The following SND1 variants were observed in gnomAD, a reference collection of about 807,000 sequenced individuals.
SND1 encodes staphylococcal nuclease and tudor domain containing 1, also known as staphylococcal nuclease domain-containing protein 1.
In SND1, 38 loss-of-function variants were observed where a neutral mutation model predicts 121.7. The observed-to-expected ratio is 0.31, with a 90% CI of 0.24 to 0.41. SND1 has a LOEUF of 0.41. Among genes scored for constraint, SND1 ranks in the 10% least tolerant of loss-of-function variants. The probability of loss-of-function intolerance (pLI) is 1.00; values close to 1 mark genes in which losing one functional copy is unlikely to be tolerated. For synonymous variants in SND1, 401 were observed against 447.4 expected (o/e 0.90, Z 1.31); for missense variants, 868 against 1,184.6 (o/e 0.73, Z 3.92).
chr7:127,891,558 A>C (rs1480639933), intron 13 of SND1, among the ~76,000 whole-genome samples: 1 of 151,892 alleles, frequency 6.6e-6, no homozygotes, highest in African/African-American at 2.4e-5. Context: ...GTTTTTTCCT[A>C]GATAGATTAG....
intron 4 of SND1, 151 bp from the exon 5 acceptor site, chr7:127,701,012 C>A: frequency 1.3e-6 from 1 of 750,258 alleles, no homozygotes; most frequent in Non-Finnish European, 2.1e-6. Flanking sequence ...TGGTGATTTT[C>A]TGGTTATAGG....
At chr7:127,705,733 C>T (rs1344547556) in intron 8 of SND1, among the ~76,000 whole-genome samples, 1 of 152,160 alleles carries the variant, frequency 6.6e-6, no homozygotes, top group African/African-American at 2.4e-5. Context: ...GTCTGAATCA[C>T]CACCTTGCAT....
At chr7:127,775,904 C>A (rs1412226761) in intron 10 of SND1, among the ~76,000 whole-genome samples, 1 of 152,138 alleles carries the variant, frequency 6.6e-6, no homozygotes, top group East Asian at 1.9e-4. Context: ...CCATTCAAAC[C>A]TATGTTCACA....
At chr7:127,668,691 A>G (rs2116256343) in intron 1 of SND1, among the ~76,000 whole-genome samples, 1 of 152,304 alleles carries the variant, frequency 6.6e-6, no homozygotes, top group East Asian at 1.9e-4. Flanking sequence ...ATGAAAGCCG[A>G]ACCCCTAAGA....
At chr7:127,887,057 GT>G (rs556820438) in intron 12 of SND1, among the ~76,000 whole-genome samples, 155 of 152,020 alleles carry the variant, frequency 1.0e-3, no homozygotes, top group African/African-American at 3.0e-3. Context: ...ATGCTGCAGT[GT>G]AGTGGTGTGA....
intron 15 of SND1, among the ~76,000 whole-genome samples, chr7:127,948,308 C>T (rs1305526296): frequency 6.6e-6 from 1 of 152,020 alleles, no homozygotes; most frequent in East Asian, 1.9e-4. Context: ...AGCTATTGGC[C>T]CTGGATTATA....
chr7:127,740,780 C>G lies in SND1; in HGVS notation c.1152+19380C>G, dbSNP rs116990309. On this transcript the variant is annotated intron_variant, in intron 10 of 23. Coordinates refer to ENST00000354725, the MANE Select transcript of SND1 (RefSeq NM_014390.4). ...GATTGAGAACCACTTTTTAGTGTGT[C>G]CTGGGTGTCTGTGGTAGAAGTGGAA... Among the ~76,000 whole-genome samples, 183 of 152,156 alleles carry G rather than the reference C, an allele frequency of 1.2e-3. 4 individuals carry two copies. The East Asian group carries it at 0.027, about 23-fold the overall frequency.
At position 128,017,166 on chromosome 7, in the gene SND1, C is replaced by T. The variant is rs1803243060; in HGVS notation, c.1779+26110C>T. The stretch of plus-strand genomic sequence containing the variant: ...GAGCTCCAAGAGGGATCCTGCTTTC[C>T]TCATCCTGCAGTGAGGTGTGATTCA... On this transcript the variant is annotated intron_variant, in intron 16 of 23. Transcript: ENST00000354725. 2.0e-5 allele frequency among the ~76,000 whole-genome samples: 3 copies of T among 152,206 alleles called. No homozygotes were observed. In the South Asian group the frequency reaches 6.2e-4, roughly 31 times the overall value.
chr7:127,695,622 A>G (rs1387520559), intron 3 of SND1, among the ~76,000 whole-genome samples: 1 of 152,144 alleles, frequency 6.6e-6, no homozygotes, highest in African/African-American at 2.4e-5. Flanking sequence ...TCTTAAGCAC[A>G]AGAGTTCGAG....
At chr7:127,836,533 A>T (rs778825214) in intron 11 of SND1, among the ~76,000 whole-genome samples, 2 of 152,148 alleles carry the variant, frequency 1.3e-5, no homozygotes, top group African/African-American at 4.8e-5. Flanking sequence ...AAAATGTATA[A>T]TTTTTTCTGA....
intron 12 of SND1, among the ~76,000 whole-genome samples, chr7:127,867,960 A>T (rs1799510781): frequency 6.6e-6 from 1 of 152,078 alleles, no homozygotes; most frequent in South Asian, 2.1e-4. Context: ...CCTGGAACAT[A>T]CATTTCATCT....
rs950758939 is a variant in SND1, at chr7:127,652,204, C to A, written c.-170C>A. ...CGGCGGAGATCGCGTCTCTTTCGCT[C>A]CGTGTCCCGCTGCTGCTCCTGTGAG... On this transcript the variant is annotated 5_prime_UTR_variant, in exon 1 of 24. Transcript: ENST00000354725. 1.5e-6 allele frequency: 1 copy of A among 671,148 alleles called. No individual in the cohort carries two copies. Among genetic ancestry groups the A allele is most frequent in the Non-Finnish European group, 2.7e-6 (1 of 367,332 alleles). The allele number at this position is 671,148 out of a possible 1,614,324, so 41.6% of individuals were successfully genotyped here. A position where few individuals can be genotyped will look rare whatever the true frequency, so the allele number is the denominator to read the frequency against.
rs1265998465 is a variant in SND1 at position 127,831,149 on chromosome 7, G to C, written c.1243-13175G>C. Among the ~76,000 whole-genome samples the C allele has an allele frequency of 2.6e-5, 4 of 152,318 alleles. No individual in the cohort carries two copies. The East Asian group carries it at 7.7e-4, about 29-fold the overall frequency. ...TGAATCCAGTTTGTTCTATTGGGAA[G>C]TCTGGGTTCCTTTTCTACTCTGCTG... On this transcript the variant is annotated intron_variant, in intron 11 of 23. Transcript: ENST00000354725.
chr7:127,929,051 T>A (rs1800907765), intron 14 of SND1, 137 bp from the exon 15 acceptor site: 1 of 746,406 alleles, frequency 1.3e-6, no homozygotes, highest in African/African-American at 1.8e-5. Context: ...GTATCATGTC[T>A]ATGTCTTGGT....
At chr7:127,986,831 T>G (rs1026992560) in intron 15 of SND1, among the ~76,000 whole-genome samples, 1 of 152,220 alleles carries the variant, frequency 6.6e-6, no homozygotes, top group African/African-American at 2.4e-5. Context: ...CCATGGGGGA[T>G]CTGTCTTTGT....
In SND1 at chr7:128,092,204, C is replaced by A; in HGVS notation, c.*146C>A. ...TGTGTGGAAATGTCTCGTGGGGTGG[C>A]ATCGGGGCTGCGGGGTGGGGACCCC... On this transcript the variant is annotated 3_prime_UTR_variant, in exon 24 of 24. Transcript: ENST00000354725. This position sits in a 1 kb window ranked among gnomAD's most constrained non-coding sequence, Gnocchi z 4.9. The A allele has an allele frequency of 1.2e-6, 1 of 861,644 alleles. No individual in the cohort carries two copies. The highest frequency in any genetic ancestry group is 1.8e-6 in the Non-Finnish European group (1 of 553,576). The allele number at this position is 861,644 out of a possible 1,614,324, so 53.4% of individuals were successfully genotyped here. A position where few individuals can be genotyped will look rare whatever the true frequency, so the allele number is the denominator to read the frequency against.
intron 16 of SND1, among the ~76,000 whole-genome samples, chr7:128,007,468 A>G (rs1803009856): frequency 6.6e-6 from 1 of 152,220 alleles, no homozygotes; most frequent in Non-Finnish European, 1.5e-5. Flanking sequence ...AGACGAGGCA[A>G]CTAGTGCAGC....
intron 15 of SND1, among the ~76,000 whole-genome samples, chr7:127,962,012 C>A (rs991791221): frequency 6.6e-6 from 1 of 152,114 alleles, no homozygotes; most frequent in Non-Finnish European, 1.5e-5. Flanking sequence ...TCATATTGCA[C>A]AACTCTTAGA....
Position 128,052,100 on chromosome 7 carries a change from C to T in SND1, c.1780-22402C>T, listed in dbSNP as rs1284326677. Among the ~76,000 whole-genome samples, 1 of 152,148 alleles carries T rather than the reference C, an allele frequency of 6.6e-6. No homozygotes were observed. Among genetic ancestry groups the T allele is most frequent in the Non-Finnish European group, 1.5e-5 (1 of 68,020 alleles). On this transcript the variant is annotated intron_variant, in intron 16 of 23. Transcript: ENST00000354725. This position sits in a 1 kb window ranked among gnomAD's most constrained non-coding sequence, Gnocchi z 4.6. ...ATCAGAGGTGTAAGGATGACATTTG[C>T]TTTGGGGAGGAAGCATTGGGACAGA... is the stretch of plus-strand genomic sequence containing the variant.
Sources: gnomAD v4.1 joint callset for allele counts (sites outside exome capture counted in the v4.1 genomes callset) on GRCh38, gnomAD v4.1.1 for gene constraint, Gnocchi (gnomAD v3.1) non-coding constraint, MANE v1.5 for transcripts, NCBI Gene and HGNC (gene_info 2026-07-23, HGNC 2026-07-21) for gene names.